Variants in SEMA3A observed in about 807,000 individuals in gnomAD.
SEMA3A encodes the protein semaphorin-3A.
SEMA3A carries 29 observed loss-of-function variants against 97.9 expected under a neutral mutation model. The observed-to-expected ratio is 0.30, with a 90% CI of 0.22 to 0.40. The LOEUF is 0.40. SEMA3A is among the 10% of genes least tolerant of loss of function. The probability of loss-of-function intolerance (pLI) is 1.00; values close to 1 mark genes in which losing one functional copy is unlikely to be tolerated. For synonymous variants in SEMA3A, 321 were observed against 323.7 expected (o/e 0.99, Z 0.09); for missense variants, 763 against 951.3 (o/e 0.80, Z 2.60).
intron 1 of SEMA3A, among the ~76,000 whole-genome samples, chr7:84,455,313 C>T (rs1030476567): frequency 6.6e-6 from 1 of 151,834 alleles, no homozygotes; most frequent in Non-Finnish European, 1.5e-5. Context: ...TAAATACTTG[C>T]AATGCATTCT....
At chr7:84,142,523 G>A (rs1796323756) in intron 1 of SEMA3A, among the ~76,000 whole-genome samples, 1 of 152,148 alleles carries the variant, frequency 6.6e-6, no homozygotes, top group Admixed American at 6.6e-5. Context: ...AAAGGTCTGG[G>A]TCTTTCTGCT....
At chr7:84,086,604 A>ATAATGTATTATTATATT (rs1382445049) in intron 4 of SEMA3A, among the ~76,000 whole-genome samples, 1 of 141,498 alleles carries the variant, frequency 7.1e-6, no homozygotes, top group Non-Finnish European at 1.5e-5. Context: ...TTATATTTAT[A>ATAATGTATTATTATATT]ATCCTCACAA....
chr7:84,469,627 A>T (rs1806095875), intron 1 of SEMA3A, among the ~76,000 whole-genome samples: 1 of 152,154 alleles, frequency 6.6e-6, no homozygotes, highest in Non-Finnish European at 1.5e-5. Flanking sequence ...GTTAACCTAA[A>T]TCATTGTCCA....
At chr7:84,007,563 A>G in intron 9 of SEMA3A, 66 bp from the exon 10 acceptor site, 10 of 1,169,790 alleles carry the variant, frequency 8.5e-6, no homozygotes, top group Non-Finnish European at 1.1e-5. Context: ...AAATATTGAT[A>G]CTGAGTTCTT....
chr7:83,973,446 T>A (rs1408100592), intron 15 of SEMA3A, among the ~76,000 whole-genome samples: 2 of 152,106 alleles, frequency 1.3e-5, no homozygotes, highest in Non-Finnish European at 2.9e-5. Flanking sequence ...ATCTGAGACT[T>A]GATGAAATTT....
chr7:84,432,512 A>G (rs145181111), intron 1 of SEMA3A, among the ~76,000 whole-genome samples: 1 of 152,118 alleles, frequency 6.6e-6, no homozygotes, highest in African/African-American at 2.4e-5. Flanking sequence ...GTAATACTCA[A>G]TAGTTTTTCA....
intron 1 of SEMA3A, among the ~76,000 whole-genome samples, chr7:84,439,211 A>G (rs905274287): frequency 6.6e-6 from 1 of 152,050 alleles, no homozygotes; most frequent in African/African-American, 2.4e-5. Flanking sequence ...ATTTGTATCT[A>G]TTAGAACATA....
chr7:84,389,312 G>A (rs1030430434), intron 1 of SEMA3A, among the ~76,000 whole-genome samples: 32 of 151,988 alleles, frequency 2.1e-4, no homozygotes, highest in South Asian at 2.1e-4. Context: ...CCATGTCAAC[G>A]TGATGTGATC....
intron 1 of SEMA3A, among the ~76,000 whole-genome samples, chr7:84,153,467 T>C (rs1796742213): frequency 1.3e-5 from 2 of 152,110 alleles, no homozygotes; most frequent in South Asian, 2.1e-4. Context: ...CTTATGATCA[T>C]GTGATGGCAA....
At chr7:84,276,134 T>C (rs1013464381) in intron 3 of SEMA3A, among the ~76,000 whole-genome samples, 15 of 152,072 alleles carry the variant, frequency 9.9e-5, no homozygotes, top group African/African-American at 3.6e-4. Flanking sequence ...CAACATCTAT[T>C]CTTTAATTCT....
At chr7:84,176,308 C>T (rs1336517768) in intron 1 of SEMA3A, among the ~76,000 whole-genome samples, 7 of 152,008 alleles carry the variant, frequency 4.6e-5, no homozygotes, top group African/African-American at 1.7e-4. Flanking sequence ...ACCAGCAAGT[C>T]AAAAAATTAG....
chr7:84,250,296 G>GA (rs999870216), intron 3 of SEMA3A, among the ~76,000 whole-genome samples: 67 of 147,232 alleles, frequency 4.6e-4, no homozygotes, highest in African/African-American at 1.5e-3. Context: ...ACCAAAAAAA[G>GA]AAAAAAAAAG....
At chr7:84,025,601 C>A (rs1359167605) in intron 6 of SEMA3A, among the ~76,000 whole-genome samples, 2 of 150,030 alleles carry the variant, frequency 1.3e-5, no homozygotes, top group Admixed American at 6.7e-5. Flanking sequence ...CTGATGCTAG[C>A]TGGCTGGGAA....
intron 2 of SEMA3A, among the ~76,000 whole-genome samples, chr7:84,339,614 C>T (rs1802114908): frequency 6.6e-6 from 1 of 152,100 alleles, no homozygotes; most frequent in Admixed American, 6.5e-5. Flanking sequence ...GTTCTGAGCA[C>T]ATGAAGTATG....
chr7:84,068,783 G>C (rs903246445), intron 4 of SEMA3A, among the ~76,000 whole-genome samples: 3 of 152,068 alleles, frequency 2.0e-5, no homozygotes, highest in Admixed American at 1.3e-4. Flanking sequence ...GATTTACAAG[G>C]TAAAGGATTA....
At chr7:84,014,408 C>G (rs973447109) in intron 6 of SEMA3A, 57 bp from the exon 7 acceptor site, 1 of 1,361,696 alleles carries the variant, frequency 7.3e-7, no homozygotes, top group Non-Finnish European at 1.0e-6. Flanking sequence ...TAATACCATT[C>G]TGAACAGTCC....
chr7:84,258,917 T>C (rs1799779178), intron 3 of SEMA3A, among the ~76,000 whole-genome samples: 1 of 151,996 alleles, frequency 6.6e-6, no homozygotes, highest in Admixed American at 6.6e-5. Flanking sequence ...TTTTTTTTTT[T>C]TTTCCTTTTC....
intron 2 of SEMA3A, among the ~76,000 whole-genome samples, chr7:84,320,477 T>C (rs1336997356): frequency 1.3e-5 from 2 of 152,164 alleles, no homozygotes; most frequent in African/African-American, 4.8e-5. Flanking sequence ...TCATATACTT[T>C]ATATTGCTAG....
At chr7:83,980,623 A>AAAAAAAAATATATATATAT (rs1310318006) in intron 14 of SEMA3A, among the ~76,000 whole-genome samples, 1 of 71,762 alleles carries the variant, frequency 1.4e-5, no homozygotes, top group Non-Finnish European at 2.4e-5. Flanking sequence ...AAAAAAAAAA[A>AAAAAAAAATATATATATAT]ATATATATAT....
Sources: allele counts gnomAD v4.1 joint callset (sites outside exome capture counted in the v4.1 genomes callset), GRCh38; gene constraint gnomAD v4.1.1; transcripts MANE v1.5; gene names NCBI Gene and HGNC (gene_info 2026-07-23, HGNC 2026-07-21).